Variants in EDAR observed in about 807,000 individuals in gnomAD.
EDAR encodes the protein ectodysplasin A receptor.
A neutral mutation model predicts 51.3 loss-of-function variants in EDAR; 38 were observed. The ratio of observed to expected loss-of-function variants is 0.74; its 90% CI spans 0.57 to 0.97. EDAR has a LOEUF of 0.97. Among genes scored for constraint, EDAR ranks in the 50% least tolerant of loss-of-function variants. The probability of loss-of-function intolerance (pLI) is 0.00; values close to 1 mark genes in which losing one functional copy is unlikely to be tolerated. For synonymous variants in EDAR, 227 were observed against 242.1 expected (o/e 0.94, Z 0.58); for missense variants, 528 against 595.0 (o/e 0.89, Z 1.17).
chr2:108,937,064 G>C (rs2105462610), intron 1 of EDAR, among the ~76,000 whole-genome samples: 1 of 152,362 alleles, frequency 6.6e-6, no homozygotes, highest in Admixed American at 6.5e-5. Flanking sequence ...CAAACGTCTT[G>C]GCAAGACCAC....
chr2:108,969,716 T>C (rs1574411326), intron 1 of EDAR, among the ~76,000 whole-genome samples: 1 of 152,288 alleles, frequency 6.6e-6, no homozygotes, highest in Non-Finnish European at 1.5e-5. Flanking sequence ...GAAAGAAATA[T>C]AAAAGAAGTG....
At chr2:108,988,388 G>A (rs1164081074) in intron 1 of EDAR, among the ~76,000 whole-genome samples, 1 of 152,092 alleles carries the variant, frequency 6.6e-6, no homozygotes, top group Non-Finnish European at 1.5e-5. Flanking sequence ...CCTCTTGGCT[G>A]GAAATGAAAA....
At chr2:108,917,519 C>T (rs1697049279) in intron 5 of EDAR, among the ~76,000 whole-genome samples, 2 of 152,156 alleles carry the variant, frequency 1.3e-5, no homozygotes, top group Non-Finnish European at 2.9e-5. Context: ...TCACTCTGTA[C>T]CCCATAAACA....
At chr2:108,986,849 C>T (rs577261111) in intron 1 of EDAR, among the ~76,000 whole-genome samples, 4 of 152,112 alleles carry the variant, frequency 2.6e-5, no homozygotes, top group African/African-American at 7.2e-5. Flanking sequence ...GAGATGGAGG[C>T]GGCATACTCA....
chr2:108,926,741 G>A (rs1368064883), intron 4 of EDAR, among the ~76,000 whole-genome samples: 3 of 152,246 alleles, frequency 2.0e-5, no homozygotes, highest in African/African-American at 4.8e-5. Flanking sequence ...CACACTGTGG[G>A]GAGGGCGGAG....
intron 1 of EDAR, among the ~76,000 whole-genome samples, chr2:108,983,844 A>G (rs1698455275): frequency 6.6e-6 from 1 of 152,142 alleles, no homozygotes; most frequent in African/African-American, 2.4e-5. Flanking sequence ...CAATTTTGCC[A>G]ACTGAGCCAT....
intron 5 of EDAR, among the ~76,000 whole-genome samples, chr2:108,919,380 C>T (rs1007524194): frequency 6.6e-6 from 1 of 152,044 alleles, no homozygotes; most frequent in Non-Finnish European, 1.5e-5. Flanking sequence ...TATTTAGAGG[C>T]GGAGTTTCGC....
At chr2:108,915,882 A>C (rs1166114969) in intron 5 of EDAR, among the ~76,000 whole-genome samples, 2 of 152,020 alleles carry the variant, frequency 1.3e-5, no homozygotes, top group African/African-American at 4.8e-5. Flanking sequence ...GGGCAACAAG[A>C]GCGAAACTCC....
In EDAR at chr2:108,910,829, C is replaced by T. The variant is rs200137108; in HGVS notation, c.677G>A (p.Gly226Glu). The change falls in exon 8 of 12, where the codon GGG becomes GAG. Residue 226 changes from glycine to glutamate, a missense_variant. By Grantham distance (98) the Gly-to-Glu change is moderately conservative (BLOSUM62 -2). Coordinates refer to ENST00000258443, the MANE Select transcript of EDAR (RefSeq NM_022336.4). ...SAPACCTSHP[G>E]KSVEAQVSKD... ...GCTCACTTGGGCCTCCACGCTCTTC[C>T]CCGGGTGGCTGGTGCAACAGGCTGG... 3 of 1,614,008 alleles carry T rather than the reference C, an allele frequency of 1.9e-6. No individual in the cohort carries two copies. The highest frequency in any genetic ancestry group is 2.5e-6 in the Non-Finnish European group (3 of 1,179,998).
chr2:108,902,095 G>T lies in EDAR; in HGVS notation c.1024+4213C>A, dbSNP rs373769542. Among the ~76,000 whole-genome samples the T allele has an allele frequency of 3.3e-3, 503 of 152,192 alleles. 1 individual carries two copies. The highest frequency in any genetic ancestry group is 0.011 in the African/African-American group (476 of 41,540). ...TCTACTAAAAATACAAAAATTAGCT[G>T]GGCATGGTGGCATGCACATGTAATC... is the stretch of plus-strand genomic sequence containing the variant. On this transcript the variant is annotated intron_variant, in intron 11 of 11. Coordinates refer to ENST00000258443, the MANE Select transcript of EDAR (RefSeq NM_022336.4).
chr2:108,925,724 T>G (rs1459498159), intron 4 of EDAR, among the ~76,000 whole-genome samples: 2 of 151,964 alleles, frequency 1.3e-5, no homozygotes, highest in Non-Finnish European at 2.9e-5. Flanking sequence ...TGCAAACAAT[T>G]CTCCTGCCTC....
chr2:108,907,203 G>C (rs1558799496), intron 10 of EDAR, among the ~76,000 whole-genome samples: 1 of 152,226 alleles, frequency 6.6e-6, no homozygotes, highest in African/African-American at 2.4e-5. Flanking sequence ...GAAGAAAAAC[G>C]TTGTGTGTGT....
At chr2:108,967,652 T>G (rs1223015054) in intron 1 of EDAR, among the ~76,000 whole-genome samples, 1 of 152,172 alleles carries the variant, frequency 6.6e-6, no homozygotes, top group Non-Finnish European at 1.5e-5. Context: ...AAATGTAAGG[T>G]GATTTTGATC....
At chr2:108,977,089 A>G (rs1698335183) in intron 1 of EDAR, among the ~76,000 whole-genome samples, 1 of 152,132 alleles carries the variant, frequency 6.6e-6, no homozygotes, top group Admixed American at 6.5e-5. Flanking sequence ...TGTGATCAGG[A>G]CGCCAATAAG....
intron 1 of EDAR, among the ~76,000 whole-genome samples, chr2:108,937,576 A>C (rs535374722): frequency 6.6e-6 from 1 of 151,708 alleles, no homozygotes; most frequent in Non-Finnish European, 1.5e-5. Flanking sequence ...GTGTATGCTT[A>C]TGTGTAAGTG....
chr2:108,953,738 G>A (rs1350312791), intron 1 of EDAR, among the ~76,000 whole-genome samples: 2 of 152,064 alleles, frequency 1.3e-5, no homozygotes, highest in Admixed American at 6.6e-5. Flanking sequence ...TGGTGGCGAT[G>A]GAAACAATAA....
At chr2:108,950,825 AGGGATG>A (rs996568505) in intron 1 of EDAR, among the ~76,000 whole-genome samples, 1 of 152,252 alleles carries the variant, frequency 6.6e-6, no homozygotes, top group South Asian at 2.1e-4. Context: ...TTCTCAGCAC[AGGGATG>A]GCCCTACAGA....
chr2:108,907,253 T>C (rs777473077), intron 10 of EDAR, among the ~76,000 whole-genome samples: 19 of 152,266 alleles, frequency 1.2e-4, no homozygotes, highest in Non-Finnish European at 4.4e-5. Flanking sequence ...AAACCCCGTA[T>C]ATTTACAAGG....
chr2:108,933,143 G>A (rs1002503984), intron 1 of EDAR, among the ~76,000 whole-genome samples: 2 of 152,238 alleles, frequency 1.3e-5, no homozygotes, highest in Non-Finnish European at 2.9e-5. Context: ...AGAAATGATA[G>A]AGAAGAATGC....
Sources: allele counts gnomAD v4.1 joint callset (sites outside exome capture counted in the v4.1 genomes callset), GRCh38; gene constraint gnomAD v4.1.1; transcripts MANE v1.5; gene names NCBI Gene and HGNC (gene_info 2026-07-23, HGNC 2026-07-21).